HPSE2: variants seen among roughly 807,000 people sequenced by gnomAD.
HPSE2 encodes heparanase 2 (inactive), also known as inactive heparanase-2.
Under a neutral mutation model 60.5 loss-of-function variants are expected in HPSE2, and 38 were observed. That is an observed-to-expected ratio of 0.63 (90% CI 0.48 to 0.82). The LOEUF is 0.82. HPSE2 is among the 40% of genes least tolerant of loss of function. HPSE2 has a pLI of 0.00. For missense variants in HPSE2, 713 were observed against 740.4 expected (o/e 0.96, Z 0.43); for synonymous variants, 295 against 293.2 (o/e 1.01, Z -0.06).
intron 3 of HPSE2, among the ~76,000 whole-genome samples, chr10:98,997,850 G>A (rs541965562): frequency 6.6e-6 from 1 of 152,314 alleles, no homozygotes; most frequent in African/African-American, 2.4e-5. Context: ...TGAAGACGAG[G>A]AAGGTTGCAG....
At chr10:98,809,163 A>G (rs1951108558) in intron 3 of HPSE2, among the ~76,000 whole-genome samples, 2 of 152,124 alleles carry the variant, frequency 1.3e-5, no homozygotes, top group Admixed American at 1.3e-4. Context: ...AAATATATTC[A>G]CTATAGTTGC....
the HPSE2 span, among the ~76,000 whole-genome samples, chr10:99,313,846 G>A: frequency 6.6e-6 from 1 of 151,386 alleles, no homozygotes; most frequent in Admixed American, 6.6e-5. Flanking sequence ...ATAATCTGCC[G>A]GCCTCGACCT....
intron 9 of HPSE2, among the ~76,000 whole-genome samples, chr10:98,597,516 A>AG (rs2133932684): frequency 6.6e-6 from 1 of 150,774 alleles, no homozygotes; most frequent in East Asian, 2.0e-4. Context: ...AAAAAAAAAA[A>AG]GAAAAATAGC....
intron 3 of HPSE2, among the ~76,000 whole-genome samples, chr10:99,097,861 C>G (rs1434093361): frequency 6.6e-6 from 1 of 152,054 alleles, no homozygotes; most frequent in Non-Finnish European, 1.5e-5. Context: ...ATGGAAGAAC[C>G]AGGACTGAAT....
intron 3 of HPSE2, among the ~76,000 whole-genome samples, chr10:99,040,132 C>G (rs1005816704): frequency 1.3e-5 from 2 of 152,128 alleles, no homozygotes; most frequent in African/African-American, 2.4e-5. Context: ...TAATGCTACA[C>G]AGATAATTCT....
At chr10:98,947,772 C>A (rs1955230741) in intron 3 of HPSE2, among the ~76,000 whole-genome samples, 1 of 152,106 alleles carries the variant, frequency 6.6e-6, no homozygotes, top group African/African-American at 2.4e-5. Flanking sequence ...AAGATAAATA[C>A]AAGCTACCCA....
chr10:98,972,401 T>C (rs528132974), intron 3 of HPSE2, among the ~76,000 whole-genome samples: 1 of 152,314 alleles, frequency 6.6e-6, no homozygotes, highest in South Asian at 2.1e-4. Flanking sequence ...AATGTATTAA[T>C]GTTTCCTTTA....
intron 3 of HPSE2, among the ~76,000 whole-genome samples, chr10:98,909,309 A>C (rs1953913357): frequency 6.6e-6 from 1 of 151,710 alleles, no homozygotes; most frequent in Non-Finnish European, 1.5e-5. Context: ...AACATGTAAT[A>C]GTTCCACAAC....
At chr10:98,551,496 C>G (rs1943864208) in intron 9 of HPSE2, among the ~76,000 whole-genome samples, 1 of 152,160 alleles carries the variant, frequency 6.6e-6, no homozygotes, top group Non-Finnish European at 1.5e-5. Flanking sequence ...ATGCCCCGCC[C>G]TCCCACCAAG....
At chr10:98,975,689 G>C (rs1286421929) in intron 3 of HPSE2, among the ~76,000 whole-genome samples, 1 of 152,162 alleles carries the variant, frequency 6.6e-6, no homozygotes, top group Non-Finnish European at 1.5e-5. Flanking sequence ...CCCAGCTCAT[G>C]TGTTTCAAGA....
intron 4 of HPSE2, among the ~76,000 whole-genome samples, chr10:98,731,612 A>G (rs1949229726): frequency 6.6e-6 from 1 of 152,236 alleles, no homozygotes; most frequent in Admixed American, 6.5e-5. Context: ...AACTGAATAG[A>G]AGGGAACTTT....
At chr10:98,868,528 T>C (rs1471990961) in intron 3 of HPSE2, among the ~76,000 whole-genome samples, 1 of 152,098 alleles carries the variant, frequency 6.6e-6, no homozygotes, top group Non-Finnish European at 1.5e-5. Context: ...ACACAAACGG[T>C]AAATGCTTGA....
chr10:98,905,661 T>C (rs1396158674), intron 3 of HPSE2, among the ~76,000 whole-genome samples: 3 of 152,150 alleles, frequency 2.0e-5, no homozygotes, highest in East Asian at 1.9e-4. Context: ...TAAATTGCTA[T>C]AAATAGCTCC....
chr10:99,190,240 A>T (rs1442628189), intron 2 of HPSE2, among the ~76,000 whole-genome samples: 1 of 152,224 alleles, frequency 6.6e-6, no homozygotes, highest in Non-Finnish European at 1.5e-5. Flanking sequence ...TAATAGTTCA[A>T]ATTCTAGAGT....
chr10:99,252,576 C>T, the HPSE2 span, among the ~76,000 whole-genome samples: 4 of 151,804 alleles, frequency 2.6e-5, no homozygotes, highest in Non-Finnish European at 5.9e-5. Context: ...TTACAATAGC[C>T]ACAAAAAAAT....
At chr10:98,630,199 T>C (rs950221002) in intron 7 of HPSE2, among the ~76,000 whole-genome samples, 1 of 148,268 alleles carries the variant, frequency 6.7e-6, no homozygotes, top group Admixed American at 6.7e-5. Flanking sequence ...TTTTTTGTTT[T>C]TTTTTTTTTT....
At chr10:99,015,411 A>G (rs1957115833) in intron 3 of HPSE2, among the ~76,000 whole-genome samples, 1 of 152,264 alleles carries the variant, frequency 6.6e-6, no homozygotes, top group African/African-American at 2.4e-5. Context: ...AAGACTTGGA[A>G]CGAAACCAAA....
chr10:98,506,010 G>A (rs1047205327), intron 9 of HPSE2, among the ~76,000 whole-genome samples: 2 of 151,506 alleles, frequency 1.3e-5, no homozygotes, highest in Non-Finnish European at 2.9e-5. Context: ...TAGACACTTC[G>A]GCATCAGATT....
chr10:99,296,934 C>T, the HPSE2 span, among the ~76,000 whole-genome samples: 15 of 152,208 alleles, frequency 9.9e-5, 1 homozygote, highest in East Asian at 2.9e-3. Context: ...GATGGGAGGG[C>T]AGGAAGGCAG....
Sources: allele counts gnomAD v4.1 joint callset (sites outside exome capture counted in the v4.1 genomes callset), GRCh38; gene constraint gnomAD v4.1.1; transcripts MANE v1.5; gene names NCBI Gene and HGNC (gene_info 2026-07-23, HGNC 2026-07-21).